CSMD1: variants seen among roughly 807,000 people sequenced by gnomAD.
The protein encoded by CSMD1 is CUB and sushi domain-containing protein 1.
Under a neutral mutation model 417.5 loss-of-function variants are expected in CSMD1, and 213 were observed. The ratio of observed to expected loss-of-function variants is 0.51; its 90% CI spans 0.46 to 0.57. CSMD1 has a LOEUF of 0.57. CSMD1 is among the 20% of genes least tolerant of loss of function. The probability of loss-of-function intolerance (pLI) is 0.00; values close to 1 mark genes in which losing one functional copy is unlikely to be tolerated. For missense variants in CSMD1, 6,923 were observed against 4,529.7 expected (o/e 1.53, Z -15.17); for synonymous variants, 2,862 against 1,736.8 (o/e 1.65, Z -16.11).
chr8:3,918,452 G>C (rs1012165927), intron 5 of CSMD1, among the ~76,000 whole-genome samples: 1 of 152,008 alleles, frequency 6.6e-6, no homozygotes, highest in South Asian at 2.1e-4. Flanking sequence ...TAATTATATT[G>C]ATCACCTTTT....
chr8:4,648,841 G>T, intron 1 of CSMD1, among the ~76,000 whole-genome samples: 1 of 152,132 alleles, frequency 6.6e-6, no homozygotes, highest in East Asian at 1.9e-4. Context: ...TTTATAGTTG[G>T]TCGGGAAGTA....
intron 5 of CSMD1, among the ~76,000 whole-genome samples, chr8:3,986,956 T>C (rs1040505049): frequency 2.4e-4 from 37 of 152,168 alleles, no homozygotes; most frequent in African/African-American, 7.5e-4. Flanking sequence ...CGTTTCACCA[T>C]GCAGTTCAGG....
chr8:4,790,612 C>T (rs549094387), intron 1 of CSMD1, among the ~76,000 whole-genome samples: 54 of 152,226 alleles, frequency 3.5e-4, no homozygotes, highest in African/African-American at 8.7e-4. Flanking sequence ...TAAAACAGCA[C>T]GGTACTGGTA....
intron 1 of CSMD1, among the ~76,000 whole-genome samples, chr8:4,702,227 C>G (rs186430373): frequency 5.3e-5 from 8 of 152,226 alleles, no homozygotes. Flanking sequence ...ACCTTTGGAA[C>G]AAACCTGTGC....
intron 2 of CSMD1, among the ~76,000 whole-genome samples, chr8:4,516,836 G>C (rs1037851731): frequency 6.6e-6 from 1 of 152,022 alleles, no homozygotes; most frequent in Non-Finnish European, 1.5e-5. Context: ...GTTATTTTCA[G>C]CATGATATAG....
chr8:4,638,111 G>A (rs1014042560), intron 1 of CSMD1, among the ~76,000 whole-genome samples: 3 of 152,172 alleles, frequency 2.0e-5, no homozygotes, highest in Admixed American at 1.3e-4. Flanking sequence ...GAAGTTTAGG[G>A]AAGTTCTTTA....
chr8:4,914,959 C>T (rs1026709529), intron 1 of CSMD1, among the ~76,000 whole-genome samples: 1 of 152,136 alleles, frequency 6.6e-6, no homozygotes, highest in African/African-American at 2.4e-5. Flanking sequence ...GATGATGAAA[C>T]GCATTCCGTT....
chr8:4,295,315 A>G lies in CSMD1; in HGVS notation c.415+124638T>C, dbSNP rs563722543. 5.3e-4 allele frequency among the ~76,000 whole-genome samples: 60 copies of G among 113,320 alleles called. 2 individuals are homozygous for G. The South Asian group carries it at 0.016, about 30-fold the overall frequency. 74.3% of individuals were successfully genotyped at this position (113,320 alleles called of 152,430 possible). On this transcript the variant is annotated intron_variant, in intron 3 of 69. Coordinates refer to ENST00000635120, the MANE Select transcript of CSMD1 (RefSeq NM_033225.6). Reference sequence around the variant, plus strand: ...TCTTAAGATTATCTATATAATCTTAAGATTATGCACATATAATCTTAAGAT... The same window carrying G: ...TCTTAAGATTATCTATATAATCTTAGGATTATGCACATATAATCTTAAGAT...
intron 2 of CSMD1, among the ~76,000 whole-genome samples, chr8:4,448,832 G>A (rs1275567668): frequency 6.6e-6 from 1 of 152,118 alleles, no homozygotes; most frequent in African/African-American, 2.4e-5. Context: ...AGGGTAAAAG[G>A]TAATTTCTCT....
chr8:4,703,434 T>G (rs572533894), intron 1 of CSMD1, among the ~76,000 whole-genome samples: 1 of 152,344 alleles, frequency 6.6e-6, no homozygotes, highest in East Asian at 1.9e-4. Context: ...ACTTAGAACA[T>G]GCATGAATAG....
chr8:3,254,149 G>C (rs954273929), intron 26 of CSMD1, among the ~76,000 whole-genome samples: 1 of 152,124 alleles, frequency 6.6e-6, no homozygotes, highest in Non-Finnish European at 1.5e-5. Flanking sequence ...AGTTTGGCCG[G>C]ATATGAAATT....
At chr8:3,424,623 CT>C (rs1173995284) in intron 12 of CSMD1, among the ~76,000 whole-genome samples, 3 of 152,178 alleles carry the variant, frequency 2.0e-5, no homozygotes, top group Admixed American at 1.3e-4. Context: ...AACACAAAAT[CT>C]TTCTTATTCA....
At position 3,024,813 on chromosome 8, in the gene CSMD1, C is replaced by G. The variant is rs1809731898; in HGVS notation, c.7855+4506G>C. On this transcript the variant is annotated intron_variant, in intron 51 of 69. Transcript: ENST00000635120. ...AAGAATATTGAATATTGCACTAAAG[C>G]TGGTTGTGAAACATACATAGATAAT... Among the ~76,000 whole-genome samples the G allele has an allele frequency of 2.0e-5, 3 of 152,202 alleles. 1 individual carries two copies. Among genetic ancestry groups the G allele is most frequent in the South Asian group, 4.1e-4 (2 of 4,832 alleles).
At chr8:4,359,393 A>G (rs181160425) in intron 3 of CSMD1, among the ~76,000 whole-genome samples, 8 of 152,344 alleles carry the variant, frequency 5.3e-5, no homozygotes, top group Admixed American at 2.0e-4. Flanking sequence ...TAAACTCACA[A>G]TAACATATTA....
At chr8:4,924,721 T>TG (rs1563779776) in intron 1 of CSMD1, among the ~76,000 whole-genome samples, 740 of 4,382 alleles carry the variant, frequency 0.17, 10 homozygotes, top group African/African-American at 0.27. Flanking sequence ...AAACTCCATC[T>TG]CAAAAAAAAA....
At chr8:4,951,312 G>A (rs1033379502) in intron 1 of CSMD1, among the ~76,000 whole-genome samples, 2 of 151,918 alleles carry the variant, frequency 1.3e-5, no homozygotes, top group South Asian at 2.1e-4. Flanking sequence ...TTTGAACTGC[G>A]GACTTCACAA....
intron 3 of CSMD1, among the ~76,000 whole-genome samples, chr8:4,319,428 T>C (rs1230474578): frequency 6.6e-6 from 1 of 152,146 alleles, no homozygotes; most frequent in Non-Finnish European, 1.5e-5. Context: ...CCAATATACC[T>C]ACACTTCTTT....
intron 1 of CSMD1, among the ~76,000 whole-genome samples, chr8:4,969,882 G>C (rs371456688): frequency 6.6e-6 from 1 of 152,074 alleles, no homozygotes. Context: ...CACTACGAGT[G>C]TATCAAAATA....
At chr8:3,267,661 G>A (rs1801531796) in intron 26 of CSMD1, among the ~76,000 whole-genome samples, 1 of 152,232 alleles carries the variant, frequency 6.6e-6, no homozygotes, top group Admixed American at 6.5e-5. Context: ...CATACAGTGA[G>A]GAAGCAGGGA....
Sources: allele counts gnomAD v4.1 joint callset (sites outside exome capture counted in the v4.1 genomes callset), GRCh38; gene constraint gnomAD v4.1.1; transcripts MANE v1.5; gene names NCBI Gene and HGNC (gene_info 2026-07-23, HGNC 2026-07-21).